Variants in DNASE1L3 observed in about 807,000 individuals in gnomAD.
DNASE1L3 encodes deoxyribonuclease gamma.
DNASE1L3 carries 27 observed loss-of-function variants against 30.9 expected under a neutral mutation model. The ratio of observed to expected loss-of-function variants is 0.87; its 90% CI spans 0.64 to 1.20. DNASE1L3 has a LOEUF of 1.20. Among genes scored for constraint, DNASE1L3 ranks in the 50% most tolerant of loss-of-function variants. The pLI is 0.00. For synonymous variants in DNASE1L3, 135 were observed against 138.0 expected, an observed-to-expected ratio of 0.98 and a Z score of 0.15; for missense variants, 364 against 378.2, an observed-to-expected ratio of 0.96 and a Z score of 0.31.
Position 58,205,547 on chromosome 3 carries a change from C to T in DNASE1L3, c.244G>A (p.Gly82Ser). The change falls in exon 3 of 8, where the codon GGC (glycine) becomes AGC (serine). Residue 82 changes from glycine to serine, a missense_variant. Gly to Ser is a moderately conservative substitution (Grantham distance 56, BLOSUM62 0). Transcript: ENST00000394549. ...CTAATCACATAGTTGTACGTTATGC[C>T]TCTCCTTGAATTTCTAGAAAACAAA... is the stretch of plus-strand genomic sequence containing the variant. Reference protein sequence around the residue: ...MEKLNRNSRRGITYNYVISSR... With the variant: ...MEKLNRNSRRSITYNYVISSR... 6 of 1,613,708 alleles carry T rather than the reference C, an allele frequency of 3.7e-6. No individual in the cohort carries two copies. The highest frequency in any genetic ancestry group is 1.3e-5 in the African/African-American group (1 of 75,048).
At chr3:58,207,101 C>T (rs930286435) in intron 2 of DNASE1L3, among the ~76,000 whole-genome samples, 1 of 152,024 alleles carries the variant, frequency 6.6e-6, no homozygotes, top group Non-Finnish European at 1.5e-5. Context: ...CCAGGTGCAG[C>T]GGCTCACACC....
intron 3 of DNASE1L3, among the ~76,000 whole-genome samples, chr3:58,205,111 T>C (rs2097403066): frequency 6.6e-6 from 1 of 152,136 alleles, no homozygotes; most frequent in Non-Finnish European, 1.5e-5. Context: ...CACCCAAAAG[T>C]TAATGTTCAG....
chr3:58,199,464 A>G (rs9881384), intron 5 of DNASE1L3, among the ~76,000 whole-genome samples: 2,103 of 152,194 alleles, frequency 0.014, 40 homozygotes, highest in African/African-American at 0.036. Context: ...GAGGTCAGGC[A>G]TTCAAGACCA....
At chr3:58,210,257 A>AAAGT (rs1308761894) in intron 1 of DNASE1L3, among the ~76,000 whole-genome samples, 1 of 151,744 alleles carries the variant, frequency 6.6e-6, no homozygotes, top group Non-Finnish European at 1.5e-5. Context: ...AGAAAGAAAG[A>AAAGT]AAGAGAGAAA....
rs962692624 is a variant in DNASE1L3, at chr3:58,197,129, A to G, written c.704+692T>C. 1.3e-5 allele frequency among the ~76,000 whole-genome samples: 2 copies of G among 152,228 alleles called. No individual in the cohort carries two copies. The highest frequency in any genetic ancestry group is 2.9e-5 in the Non-Finnish European group (2 of 68,036). The stretch of plus-strand genomic sequence containing the variant: ...AATGAGCACTTGCCGTATGCCAGGC[A>G]TTGTGCTAGCAGCCTGACATGTTAT... On this transcript the variant is annotated intron_variant, in intron 6 of 7. Coordinates refer to ENST00000394549, the MANE Select transcript of DNASE1L3 (RefSeq NM_004944.4). This position sits in a 1 kb window ranked among gnomAD's most constrained non-coding sequence, Gnocchi z 5.3.
At position 58,193,399 on chromosome 3, in the gene DNASE1L3, G is replaced by A. The variant is rs2097395318; in HGVS notation, c.745C>T (p.Pro249Ser). The A allele has an allele frequency of 1.4e-5, 22 of 1,614,052 alleles. No individual in the cohort carries two copies. Among genetic ancestry groups the A allele is most frequent in the Non-Finnish European group, 1.9e-5 (22 of 1,179,970 alleles). Residue 249 changes from proline to serine, a missense_variant, in exon 7 of 8, where the codon CCC (proline) becomes TCC (serine). By Grantham distance (74) the Pro-to-Ser change is moderately conservative. Coordinates refer to ENST00000394549, the MANE Select transcript of DNASE1L3 (RefSeq NM_004944.4). Reference protein sequence around the residue: ...RGQEIVSSVVPKSNSVFDFQK... With the variant: ...RGQEIVSSVVSKSNSVFDFQK... ...AAGTCAAAAACACTGTTTGACTTGG[G>A]AACAACAGAACTGACGATTTCTTGT...
intron 4 of DNASE1L3, among the ~76,000 whole-genome samples, chr3:58,202,815 T>C (rs2097401655): frequency 6.6e-6 from 1 of 151,014 alleles, no homozygotes; most frequent in Non-Finnish European, 1.5e-5. Flanking sequence ...ATCACGCCAC[T>C]GCACTCCAGC....
rs777430061 is a variant in DNASE1L3, at chr3:58,197,924, C to T, written c.601G>A (p.Ala201Thr). ...GTCCTCAAGCGGATGTTCTTCCAGG[C>T]CTTCTTGGGGACGTAGCTGCAGCCG... The part of the protein sequence containing the change: ...NAGCSYVPKK[A>T]WKNIRLRTDP... The change falls in exon 6 of 8, where the codon GCC (alanine) becomes ACC (threonine). Residue 201 changes from alanine (A) to threonine (T), a missense_variant. By Grantham distance (58) the Ala-to-Thr change is moderately conservative. Transcript: ENST00000394549. The surrounding 1 kb of genome is among the most constrained non-coding windows in gnomAD (Gnocchi z 5.3). 15 of 1,613,948 alleles carry T rather than the reference C, an allele frequency of 9.3e-6. No individual in the cohort carries two copies. The highest frequency in any genetic ancestry group is 2.5e-6 in the Non-Finnish European group (3 of 1,180,002).
At chr3:58,194,424 A>C (rs2107366708) in intron 6 of DNASE1L3, among the ~76,000 whole-genome samples, 1 of 144,370 alleles carries the variant, frequency 6.9e-6, no homozygotes, top group South Asian at 2.2e-4. Flanking sequence ...GGTTGAAGCG[A>C]TTCTCCTGCC....
At chr3:58,201,453 C>T (rs544401195) in intron 4 of DNASE1L3, among the ~76,000 whole-genome samples, 1 of 152,338 alleles carries the variant, frequency 6.6e-6, no homozygotes, top group South Asian at 2.1e-4. Flanking sequence ...TAAAGACTAA[C>T]TTCCTTCAAG....
intron 5 of DNASE1L3, among the ~76,000 whole-genome samples, chr3:58,199,093 T>C (rs1274699727): frequency 1.3e-5 from 2 of 152,242 alleles, no homozygotes; most frequent in African/African-American, 4.8e-5. Context: ...AAGAACATTT[T>C]ATTTTGACCT....
At chr3:58,193,741 T>C (rs2107366096) in intron 6 of DNASE1L3, among the ~76,000 whole-genome samples, 1 of 152,368 alleles carries the variant, frequency 6.6e-6, no homozygotes, top group South Asian at 2.1e-4. Flanking sequence ...CAACAATGAC[T>C]TGCGTACTGA....
chr3:58,197,707 C>G lies in DNASE1L3; in HGVS notation c.704+114G>C. On this transcript the variant is annotated intron_variant, in intron 6 of 7. Coordinates refer to ENST00000394549, the MANE Select transcript of DNASE1L3 (RefSeq NM_004944.4). This position sits in a 1 kb window ranked among gnomAD's most constrained non-coding sequence, Gnocchi z 5.3. ...TACTCAAGCGATCCATCCATCGAGGCCTCCCAAAGTGCTAGGACTACTGGC... is the reference window on the plus strand; with the variant it reads ...TACTCAAGCGATCCATCCATCGAGGGCTCCCAAAGTGCTAGGACTACTGGC... 2.1e-6 allele frequency: 3 copies of G among 1,428,152 alleles called. No homozygotes were observed. The highest frequency in any genetic ancestry group is 2.9e-6 in the Non-Finnish European group (3 of 1,029,818). The allele number at this position is 1,428,152 out of a possible 1,614,324, so 88.5% of individuals were successfully genotyped here. A position where few individuals can be genotyped will look rare whatever the true frequency, so the allele number is the denominator to read the frequency against.
chr3:58,209,164 G>A (rs2097405921), intron 1 of DNASE1L3, among the ~76,000 whole-genome samples: 1 of 152,224 alleles, frequency 6.6e-6, no homozygotes, highest in Non-Finnish European at 1.5e-5. Context: ...ATTCTCGGGT[G>A]ACTGTGAGTG....
rs748939790 is a variant in DNASE1L3 at position 58,205,533 on chromosome 3, G to A, written c.258C>T (p.Asn86=). The A allele has an allele frequency of 1.2e-6, 2 of 1,614,058 alleles. No individual in the cohort carries two copies. The highest frequency in any genetic ancestry group is 2.7e-5 in the African/African-American group (2 of 75,054). Residue 86 remains asparagine, a synonymous_variant, in exon 3 of 8, where the codon AAC becomes AAT. Coordinates refer to ENST00000394549, the MANE Select transcript of DNASE1L3 (RefSeq NM_004944.4). ...TTCCAAGCCGAGAGCTAATCACATA[G>A]TTGTACGTTATGCCTCTCCTTGAAT... ...NRNSRRGITY[N]YVISSRLGRN...
chr3:58,194,481 G>A (rs1221896604), intron 6 of DNASE1L3, among the ~76,000 whole-genome samples: 1 of 151,754 alleles, frequency 6.6e-6, no homozygotes, highest in Non-Finnish European at 1.5e-5. Flanking sequence ...CACCACGCCT[G>A]GCTAATTTTT....
chr3:58,196,918 G>A (rs893791945), intron 6 of DNASE1L3, among the ~76,000 whole-genome samples: 29 of 152,196 alleles, frequency 1.9e-4, no homozygotes, highest in African/African-American at 6.5e-4. Context: ...TGCACTAATT[G>A]GTCTCATTTT....
rs948586401 is a variant in DNASE1L3, at chr3:58,192,482, C to T, written c.*205G>A. 1.1e-5 allele frequency: 5 copies of T among 441,352 alleles called. No homozygotes were observed. The highest frequency in any genetic ancestry group is 2.0e-5 in the African/African-American group (1 of 48,846). The allele number at this position is 441,352 out of a possible 1,614,324, so 27.3% of individuals were successfully genotyped here. ...TTTGGTCTACAAATGCCCCTGGTTC[C>T]CTTTTAGACAATTCAGGGGAGGTAT... is the stretch of plus-strand genomic sequence containing the variant. On this transcript the variant is annotated 3_prime_UTR_variant, in exon 8 of 8. Transcript: ENST00000394549. This position sits in a 1 kb window ranked among gnomAD's most constrained non-coding sequence, Gnocchi z 4.8.
intron 5 of DNASE1L3, among the ~76,000 whole-genome samples, chr3:58,199,386 C>T (rs2097399218): frequency 6.6e-6 from 1 of 152,164 alleles, no homozygotes; most frequent in South Asian, 2.1e-4. Flanking sequence ...GAATCACATC[C>T]CAGCCAGGCG....
Sources: gnomAD v4.1 joint callset for allele counts (sites outside exome capture counted in the v4.1 genomes callset) on GRCh38, gnomAD v4.1.1 for gene constraint, Gnocchi (gnomAD v3.1) non-coding constraint, MANE v1.5 for transcripts, NCBI Gene and HGNC (gene_info 2026-07-23, HGNC 2026-07-21) for gene names.